The following SPIDR variants were observed in gnomAD, a reference collection of about 807,000 sequenced individuals.
SPIDR encodes the protein scaffold protein involved in DNA repair.
Under a neutral mutation model 104.6 loss-of-function variants are expected in SPIDR, and 93 were observed. That is an observed-to-expected ratio of 0.89 (90% CI 0.75 to 1.06). The LOEUF is 1.06. SPIDR is among the 50% of genes least tolerant of loss of function. The pLI is 0.00. For synonymous variants in SPIDR, 431 were observed against 416.9 expected, an observed-to-expected ratio of 1.03 and a Z score of -0.41; for missense variants, 1,154 against 1,111.2, an observed-to-expected ratio of 1.04 and a Z score of -0.55.
chr8:47,550,779 G>A (rs549366466), intron 8 of SPIDR, among the ~76,000 whole-genome samples: 1 of 152,030 alleles, frequency 6.6e-6, no homozygotes, highest in African/African-American at 2.4e-5. Context: ...TTTCCTGATT[G>A]CCCTGGCCAG....
chr8:47,396,857 G>T (rs1471839606), intron 6 of SPIDR, among the ~76,000 whole-genome samples: 1 of 152,204 alleles, frequency 6.6e-6, no homozygotes, highest in African/African-American at 2.4e-5. Flanking sequence ...GAGAGTCAGT[G>T]TTCTAGGTGC....
At chr8:47,625,029 C>G (rs972662782) in intron 10 of SPIDR, among the ~76,000 whole-genome samples, 59 of 152,292 alleles carry the variant, frequency 3.9e-4, no homozygotes, top group Middle Eastern at 6.8e-3. Flanking sequence ...CCTCAAAAAG[C>G]TTATCCACCA....
intron 10 of SPIDR, among the ~76,000 whole-genome samples, chr8:47,667,610 G>A (rs1563481537): frequency 2.6e-5 from 4 of 151,760 alleles, no homozygotes; most frequent in Non-Finnish European, 5.9e-5. Flanking sequence ...AAAGAAAATG[G>A]AAAAAAAGAT....
intron 5 of SPIDR, among the ~76,000 whole-genome samples, chr8:47,368,754 T>C (rs2057592300): frequency 6.6e-6 from 1 of 152,234 alleles, no homozygotes. Context: ...ATATTCAGTT[T>C]CCTGTTTAGT....
At chr8:47,521,259 A>C (rs1342036342) in intron 8 of SPIDR, among the ~76,000 whole-genome samples, 2 of 152,114 alleles carry the variant, frequency 1.3e-5, no homozygotes, top group African/African-American at 4.8e-5. Flanking sequence ...ATCAACTAGT[A>C]ATAACTGTGT....
chr8:47,654,947 A>C (rs189471773), intron 10 of SPIDR, among the ~76,000 whole-genome samples: 1 of 151,790 alleles, frequency 6.6e-6, no homozygotes, highest in Non-Finnish European at 1.5e-5. Flanking sequence ...TCATTGTTCA[A>C]TTCCTACCTA....
intron 5 of SPIDR, among the ~76,000 whole-genome samples, chr8:47,363,577 G>A (rs1196271101): frequency 6.6e-6 from 1 of 151,876 alleles, no homozygotes; most frequent in Non-Finnish European, 1.5e-5. Context: ...TCCCGCCCCA[G>A]GCTCTGGCAG....
At chr8:47,612,277 T>C (rs947527236) in intron 10 of SPIDR, among the ~76,000 whole-genome samples, 1 of 152,196 alleles carries the variant, frequency 6.6e-6, no homozygotes, top group African/African-American at 2.4e-5. Flanking sequence ...CTGACTACTC[T>C]GGAATCCCAC....
chr8:47,395,085 A>C (rs552233220), intron 5 of SPIDR, among the ~76,000 whole-genome samples: 1 of 152,238 alleles, frequency 6.6e-6, no homozygotes, highest in African/African-American at 2.4e-5. Context: ...TTGGTGGTTC[A>C]TGCCTGTTAT....
At chr8:47,308,192 G>T (rs1315740799) in intron 5 of SPIDR, among the ~76,000 whole-genome samples, 1 of 151,772 alleles carries the variant, frequency 6.6e-6, no homozygotes. Flanking sequence ...CTCCCAAGTA[G>T]CTGGGATTAC....
At chr8:47,605,703 A>G (rs1351113882) in intron 10 of SPIDR, among the ~76,000 whole-genome samples, 1 of 152,176 alleles carries the variant, frequency 6.6e-6, no homozygotes, top group Admixed American at 6.5e-5. Flanking sequence ...TATAATGCAG[A>G]CTGGTGGTGA....
At chr8:47,520,130 C>CACTT (rs1266616014) in intron 8 of SPIDR, among the ~76,000 whole-genome samples, 3 of 152,094 alleles carry the variant, frequency 2.0e-5, no homozygotes, top group African/African-American at 7.2e-5. Flanking sequence ...ATTTGATTCC[C>CACTT]ACTTAGTTAT....
At chr8:47,346,278 G>A (rs968498547) in intron 5 of SPIDR, among the ~76,000 whole-genome samples, 25 of 152,102 alleles carry the variant, frequency 1.6e-4, no homozygotes, top group Middle Eastern at 3.4e-3. Context: ...ATTGATTTGC[G>A]TATATTGAAT....
intron 5 of SPIDR, among the ~76,000 whole-genome samples, chr8:47,369,133 TGTGACTAA>T (rs2057657756): frequency 1.3e-5 from 2 of 152,126 alleles, no homozygotes; most frequent in African/African-American, 4.8e-5. Context: ...TGAAGAGAAA[TGTGACTAA>T]GATTCTCACA....
rs796579496 is a variant in SPIDR, at chr8:47,657,906, C to CT, written c.1545-15893dup. ...TTTAGCTGGACACGGTAGCACAGGCCTTAGTCCCAGCCGTTTGGGAGACTG... is the reference window on the plus strand; with the variant it reads ...TTTAGCTGGACACGGTAGCACAGGCCTTTAGTCCCAGCCGTTTGGGAGACTG... On this transcript the variant is annotated intron_variant, in intron 10 of 19. Transcript: ENST00000297423. Among the ~76,000 whole-genome samples, 5 of 151,492 alleles carry CT rather than the reference C, an allele frequency of 3.3e-5. No homozygotes were observed. The East Asian group carries it at 5.9e-4, about 18-fold the overall frequency.
At chr8:47,535,025 C>T (rs2086670301) in intron 8 of SPIDR, among the ~76,000 whole-genome samples, 1 of 152,072 alleles carries the variant, frequency 6.6e-6, no homozygotes, top group Admixed American at 6.6e-5. Context: ...ACTCTCTGCC[C>T]ACAAATTCAT....
chr8:47,538,992 C>T (rs1328039242), intron 8 of SPIDR, among the ~76,000 whole-genome samples: 5 of 151,308 alleles, frequency 3.3e-5, no homozygotes, highest in Admixed American at 3.3e-4. Flanking sequence ...TCCCAAGTAG[C>T]TGGGATTACA....
At chr8:47,486,773 TA>T (rs782236215) in intron 8 of SPIDR, among the ~76,000 whole-genome samples, 1 of 152,086 alleles carries the variant, frequency 6.6e-6, no homozygotes, top group Non-Finnish European at 1.5e-5. Context: ...GAAGGAGAAA[TA>T]AAATCCTTTA....
intron 5 of SPIDR, among the ~76,000 whole-genome samples, chr8:47,308,520 T>C (rs2043522689): frequency 6.6e-6 from 1 of 152,128 alleles, no homozygotes; most frequent in South Asian, 2.1e-4. Context: ...AGGAAGTTTC[T>C]AATTTTTCCC....
Sources: gnomAD v4.1 joint callset for allele counts (sites outside exome capture counted in the v4.1 genomes callset) on GRCh38, gnomAD v4.1.1 for gene constraint, MANE v1.5 for transcripts, NCBI Gene and HGNC (gene_info 2026-07-23, HGNC 2026-07-21) for gene names.